DSCAM: variants seen among roughly 807,000 people sequenced by gnomAD.
The protein encoded by DSCAM is cell adhesion molecule DSCAM.
A neutral mutation model predicts 217.7 loss-of-function variants in DSCAM; 47 were observed. The observed-to-expected ratio is 0.22, with a 90% confidence interval of 0.17 to 0.28. The LOEUF is 0.28. Among genes scored for constraint, DSCAM ranks in the 10% least tolerant of loss-of-function variants. The pLI is 1.00. For synonymous variants in DSCAM, 1,056 were observed against 1,015.3 expected (o/e 1.04, Z -0.76); for missense variants, 2,080 against 2,618.3 (o/e 0.79, Z 4.49).
intron 3 of DSCAM, among the ~76,000 whole-genome samples, chr21:40,546,482 TTC>T (rs1462860376): frequency 1.3e-5 from 2 of 152,198 alleles, no homozygotes; most frequent in Non-Finnish European, 2.9e-5. Flanking sequence ...TCATGTAGAC[TTC>T]TCTGAGCCAC....
chr21:40,028,546 T>C (rs1316395621), intron 32 of DSCAM, among the ~76,000 whole-genome samples: 1 of 152,028 alleles, frequency 6.6e-6, no homozygotes, highest in Non-Finnish European at 1.5e-5. Flanking sequence ...GGATATAATC[T>C]CGTGGTGCGC....
At chr21:40,402,108 G>A (rs1333508733) in intron 3 of DSCAM, among the ~76,000 whole-genome samples, 1 of 130,598 alleles carries the variant, frequency 7.7e-6, no homozygotes, top group Non-Finnish European at 1.6e-5. Flanking sequence ...CGCCCGGGCT[G>A]GAGTACAGTG....
chr21:40,715,564 T>C (rs2090832795), intron 1 of DSCAM, among the ~76,000 whole-genome samples: 1 of 152,240 alleles, frequency 6.6e-6, no homozygotes, highest in African/African-American at 2.4e-5. Context: ...AACTAAAGTC[T>C]TTAGCAATGC....
intron 11 of DSCAM, among the ~76,000 whole-genome samples, chr21:40,226,996 T>C (rs1211640129): frequency 1.3e-5 from 2 of 152,204 alleles, no homozygotes; most frequent in African/African-American, 4.8e-5. Context: ...TGAGAACATG[T>C]AGTATTTGTT....
intron 3 of DSCAM, among the ~76,000 whole-genome samples, chr21:40,565,198 T>C (rs2076755629): frequency 1.3e-5 from 2 of 152,136 alleles, no homozygotes; most frequent in African/African-American, 4.8e-5. Context: ...TGTCTATAGC[T>C]GAATGGCCAA....
chr21:40,039,428 C>T (rs1568905895), intron 32 of DSCAM, among the ~76,000 whole-genome samples: 1 of 151,686 alleles, frequency 6.6e-6, no homozygotes, highest in Non-Finnish European at 1.5e-5. Context: ...ATATTTTAAC[C>T]AATTTAACCA....
chr21:40,398,621 C>G (rs1018215033), intron 3 of DSCAM, among the ~76,000 whole-genome samples: 1 of 149,932 alleles, frequency 6.7e-6, no homozygotes, highest in Non-Finnish European at 1.5e-5. Flanking sequence ...AAGTTTCTTT[C>G]CTTTCTTTTT....
At chr21:40,817,651 TA>T (rs904282796) in intron 1 of DSCAM, among the ~76,000 whole-genome samples, 2 of 152,218 alleles carry the variant, frequency 1.3e-5, no homozygotes, top group Non-Finnish European at 2.9e-5. Flanking sequence ...TCCCAAGACT[TA>T]AAAATCTCTC....
chr21:40,708,950 T>G (rs958004521), intron 1 of DSCAM, among the ~76,000 whole-genome samples, 179 bp from the exon 2 acceptor site: 1 of 152,168 alleles, frequency 6.6e-6, no homozygotes, highest in African/African-American at 2.4e-5. Flanking sequence ...TACTAAAAAA[T>G]AAGGCACCAT....
chr21:40,178,840 A>G, intron 15 of DSCAM, 87 bp downstream of exon 15: 1 of 1,550,044 alleles, frequency 6.5e-7, no homozygotes, highest in Non-Finnish European at 8.8e-7. Context: ...GCACGGGCAA[A>G]GGTCTGCTTC....
intron 3 of DSCAM, among the ~76,000 whole-genome samples, chr21:40,500,890 C>T (rs1484748598): frequency 2.0e-5 from 3 of 152,178 alleles, no homozygotes; most frequent in Admixed American, 6.5e-5. Flanking sequence ...AGCCAGCCTC[C>T]TGGGGCTCAG....
intron 10 of DSCAM, among the ~76,000 whole-genome samples, chr21:40,282,879 A>T (rs1281837323): frequency 6.6e-6 from 1 of 152,220 alleles, no homozygotes; most frequent in African/African-American, 2.4e-5. Flanking sequence ...GTTTATTCCT[A>T]TCTAGACTGA....
intron 3 of DSCAM, among the ~76,000 whole-genome samples, chr21:40,575,617 T>A (rs952464470): frequency 1.3e-5 from 2 of 152,198 alleles, no homozygotes; most frequent in Non-Finnish European, 2.9e-5. Context: ...CCGACTCAAC[T>A]CCTTATGTTA....
At chr21:40,228,509 C>T (rs1601462185) in intron 11 of DSCAM, among the ~76,000 whole-genome samples, 1 of 152,166 alleles carries the variant, frequency 6.6e-6, no homozygotes. Flanking sequence ...TCCAATACCG[C>T]CTTATTTGTT....
At chr21:40,475,507 G>A (rs1211284203) in intron 3 of DSCAM, among the ~76,000 whole-genome samples, 1 of 152,176 alleles carries the variant, frequency 6.6e-6, no homozygotes, top group Non-Finnish European at 1.5e-5. Context: ...TTTCCTCAGT[G>A]GCTTGATCAA....
chr21:40,492,043 C>T (rs1231362114), intron 3 of DSCAM, among the ~76,000 whole-genome samples: 2 of 152,154 alleles, frequency 1.3e-5, no homozygotes, highest in Non-Finnish European at 2.9e-5. Flanking sequence ...GTTATGTTCA[C>T]TCAAATATCT....
chr21:40,588,915 A>G (rs2076964882), intron 3 of DSCAM, among the ~76,000 whole-genome samples: 1 of 152,204 alleles, frequency 6.6e-6, no homozygotes, highest in East Asian at 1.9e-4. Flanking sequence ...ATCACAATCA[A>G]TGATCAGTAT....
intron 1 of DSCAM, among the ~76,000 whole-genome samples, chr21:40,753,718 A>G (rs564284146): frequency 1.7e-4 from 26 of 152,382 alleles, no homozygotes; most frequent in African/African-American, 5.8e-4. Flanking sequence ...CCTATTGTAG[A>G]AATTATGCTA....
chr21:40,691,244 T>C (rs1045215309), intron 3 of DSCAM, among the ~76,000 whole-genome samples: 1 of 152,188 alleles, frequency 6.6e-6, no homozygotes, highest in African/African-American at 2.4e-5. Context: ...CACCTCCAAG[T>C]GGAAGCACTA....
Sources: allele counts gnomAD v4.1 joint callset (sites outside exome capture counted in the v4.1 genomes callset), GRCh38; gene constraint gnomAD v4.1.1; transcripts MANE v1.5; gene names NCBI Gene and HGNC (gene_info 2026-07-23, HGNC 2026-07-21).